The following TRABD2A variants were observed in gnomAD, a reference collection of about 807,000 sequenced individuals.
The protein encoded by TRABD2A is metalloprotease TIKI1.
In TRABD2A, 43 loss-of-function variants were observed where a neutral mutation model predicts 45.6. The ratio of observed to expected loss-of-function variants is 0.94; its 90% CI spans 0.74 to 1.22. TRABD2A has a LOEUF of 1.22. TRABD2A is among the 50% of genes most tolerant of loss of function. TRABD2A has a pLI of 0.00. For synonymous variants in TRABD2A, 269 were observed against 265.0 expected (o/e 1.02, Z -0.15); for missense variants, 642 against 652.4 (o/e 0.98, Z 0.17).
intron 2 of TRABD2A, chr2:84,849,358 AC>A (rs1682007395): frequency 1.3e-5 from 2 of 152,146 alleles, no homozygotes; most frequent in African/African-American, 4.8e-5. Context: ...TATTTCCCAA[AC>A]CACAGATTGC....
In TRABD2A at chr2:84,821,859, A is replaced by G. The variant is rs991911653; in HGVS notation, c.*58T>C. ...AAGGCTAGACCAGAATGTGGAGTAC[A>G]GGAATGGCCATTCTTCAAGTCCGAG... On this transcript the variant is annotated 3_prime_UTR_variant, in exon 7 of 7. Coordinates refer to ENST00000409520, the MANE Select transcript of TRABD2A (RefSeq NM_001277053.2). The G allele has an allele frequency of 6.8e-7, 1 of 1,466,178 alleles. No homozygotes were observed. The highest frequency in any genetic ancestry group is 1.4e-5 in the African/African-American group (1 of 70,866). The allele number at this position is 1,466,178 out of a possible 1,614,324, so 90.8% of individuals were successfully genotyped here.
At chr2:84,875,466 G>A (rs556563754) in intron 1 of TRABD2A, among the ~76,000 whole-genome samples, 6 of 152,198 alleles carry the variant, frequency 3.9e-5, no homozygotes, top group Admixed American at 3.9e-4. Flanking sequence ...AAGCCATGCA[G>A]GGTCGGTGGG....
intron 2 of TRABD2A, among the ~76,000 whole-genome samples, chr2:84,860,925 G>T (rs1682474142): frequency 6.6e-6 from 1 of 152,232 alleles, no homozygotes; most frequent in Admixed American, 6.5e-5. Flanking sequence ...GCCAGGGCTG[G>T]GTAGGAATGT....
chr2:84,861,682 C>G (rs1282839396), intron 2 of TRABD2A, among the ~76,000 whole-genome samples: 1 of 152,220 alleles, frequency 6.6e-6, no homozygotes, highest in Admixed American at 6.5e-5. Flanking sequence ...TCAGACAGCA[C>G]TGAAGCCCCA....
chr2:84,824,580 T>C (rs1002911114), intron 5 of TRABD2A, among the ~76,000 whole-genome samples: 1 of 136,382 alleles, frequency 7.3e-6, no homozygotes, highest in Non-Finnish European at 1.6e-5. Context: ...AGATCGGGTT[T>C]CCCTCAGTAG....
intron 2 of TRABD2A, among the ~76,000 whole-genome samples, chr2:84,865,231 A>G (rs1682638651): frequency 6.6e-6 from 1 of 152,164 alleles, no homozygotes; most frequent in South Asian, 2.1e-4. Context: ...TGTGGGGAAA[A>G]AAAAAGAGAA....
chr2:84,875,259 C>T (rs1241984601), intron 1 of TRABD2A, among the ~76,000 whole-genome samples: 1 of 152,156 alleles, frequency 6.6e-6, no homozygotes, highest in Non-Finnish European at 1.5e-5. Flanking sequence ...CTAAGCCTTG[C>T]CGTGAAGGAG....
intron 4 of TRABD2A, chr2:84,832,971 C>A (rs1681391637): frequency 6.6e-6 from 1 of 152,208 alleles, no homozygotes; most frequent in African/African-American, 2.4e-5. Context: ...TTGGAGGTTT[C>A]TGCATAGGAC....
At chr2:84,825,652 C>T (rs1026702161) in intron 5 of TRABD2A, among the ~76,000 whole-genome samples, 1 of 152,166 alleles carries the variant, frequency 6.6e-6, no homozygotes, top group African/African-American at 2.4e-5. Flanking sequence ...CCCATCATGG[C>T]TCTCTAGGAT....
At chr2:84,866,414 GC>G (rs1682677992) in intron 2 of TRABD2A, among the ~76,000 whole-genome samples, 1 of 152,136 alleles carries the variant, frequency 6.6e-6, no homozygotes, top group South Asian at 2.1e-4. Context: ...GTCGGATTCA[GC>G]CCATATGCCT....
chr2:84,841,852 G>T lies in TRABD2A; in HGVS notation c.816+9C>A. The T allele has an allele frequency of 1.3e-6, 2 of 1,512,154 alleles. No homozygotes were observed. Among genetic ancestry groups the T allele is most frequent in the Non-Finnish European group, 1.8e-6 (2 of 1,132,742 alleles). The allele number at this position is 1,512,154 out of a possible 1,614,324, so 93.7% of individuals were successfully genotyped here. A position where few individuals can be genotyped will look rare whatever the true frequency, so the allele number is the denominator to read the frequency against. On this transcript the variant is annotated intron_variant, in intron 3 of 6. Transcript: ENST00000409520. ...TGTGCTGAGCTTGGCAGGGGGAAAGGGTGCTCACCTGGGAGCTGTCATGGC... is the reference window on the plus strand; with the variant it reads ...TGTGCTGAGCTTGGCAGGGGGAAAGTGTGCTCACCTGGGAGCTGTCATGGC...
rs377039312 is a variant in TRABD2A, at chr2:84,827,651, A to G, written c.1083-3447T>C. The stretch of plus-strand genomic sequence containing the variant: ...TGAACACATTACCTTACACGGTAAA[A>G]GGAACTTTGCAGGTGTATTAAGTTA... On this transcript the variant is annotated intron_variant, in intron 5 of 6. Transcript: ENST00000409520. 4.5e-4 allele frequency among the ~76,000 whole-genome samples: 68 copies of G among 152,356 alleles called. 1 individual carries two copies. Among genetic ancestry groups the G allele is most frequent in the African/African-American group, 1.6e-3 (65 of 41,582 alleles).
At chr2:84,862,586 C>G (rs1272341442) in intron 2 of TRABD2A, among the ~76,000 whole-genome samples, 1 of 152,010 alleles carries the variant, frequency 6.6e-6, no homozygotes, top group African/African-American at 2.4e-5. Flanking sequence ...GGTACCTGTA[C>G]AAAAATAGGT....
At chr2:84,871,163 G>A (rs142743406) in intron 1 of TRABD2A, among the ~76,000 whole-genome samples, 382 of 152,300 alleles carry the variant, frequency 2.5e-3, no homozygotes, top group African/African-American at 8.4e-3. Flanking sequence ...TCCAAGATGA[G>A]AAAGCAATAG....
chr2:84,845,906 G>T (rs569429804), intron 2 of TRABD2A, among the ~76,000 whole-genome samples: 1 of 152,124 alleles, frequency 6.6e-6, no homozygotes, highest in African/African-American at 2.4e-5. Flanking sequence ...GAAAAAGGGG[G>T]CATTTTTCAA....
At chr2:84,834,100 T>G (rs1385453107) in intron 4 of TRABD2A, 1 of 152,362 alleles carries the variant, frequency 6.6e-6, no homozygotes, top group African/African-American at 2.4e-5. Flanking sequence ...GCACCTTCCA[T>G]CCACACAGAC....
At chr2:84,829,387 CACACACACACA>C (rs780777130) in intron 5 of TRABD2A, among the ~76,000 whole-genome samples, 1 of 125,358 alleles carries the variant, frequency 8.0e-6, no homozygotes, top group Admixed American at 7.9e-5. Flanking sequence ...CACACACACA[CACACACACACA>C]CCACACACAC....
chr2:84,854,910 C>A (rs1682223995), intron 2 of TRABD2A, among the ~76,000 whole-genome samples: 2 of 152,144 alleles, frequency 1.3e-5, no homozygotes, highest in South Asian at 4.1e-4. Context: ...GGATTACAGA[C>A]CTTTCTCTCC....
At chr2:84,868,588 G>A (rs1682770375) in intron 2 of TRABD2A, among the ~76,000 whole-genome samples, 1 of 150,876 alleles carries the variant, frequency 6.6e-6, no homozygotes, top group African/African-American at 2.5e-5. Context: ...ACTAATGGGT[G>A]CAGCACACCA....
Sources: gnomAD v4.1 joint callset for allele counts (sites outside exome capture counted in the v4.1 genomes callset) on GRCh38, gnomAD v4.1.1 for gene constraint, MANE v1.5 for transcripts, NCBI Gene and HGNC (gene_info 2026-07-23, HGNC 2026-07-21) for gene names.